UGT1A7: variants seen among roughly 807,000 people sequenced by gnomAD.
UGT1A7 encodes UDP-glucuronosyltransferase 1A7.
UGT1A7 carries 33 observed loss-of-function variants against 45.6 expected under a neutral mutation model. The observed-to-expected ratio is 0.72, with a 90% CI of 0.55 to 0.97. The LOEUF (loss-of-function observed/expected upper bound fraction) is 0.97, where lower values mean the gene tolerates loss of function less well. UGT1A7 is among the 50% of genes least tolerant of loss of function. The pLI is 0.00. For missense variants in UGT1A7, 684 were observed against 666.2 expected (o/e 1.03, Z -0.29); for synonymous variants, 274 against 250.6 (o/e 1.09, Z -0.88).
intron 1 of UGT1A7, chr2:233,743,958 G>C (rs747210262): frequency 1.5e-6 from 2 of 1,336,694 alleles, no homozygotes; most frequent in Non-Finnish European, 2.0e-6. Flanking sequence ...GGCACAGCGA[G>C]CGGCAAGGCT....
At chr2:233,695,416 G>A (rs2075286623) in intron 1 of UGT1A7, among the ~76,000 whole-genome samples, 1 of 143,254 alleles carries the variant, frequency 7.0e-6, no homozygotes, top group Non-Finnish European at 1.6e-5. Context: ...GAGCTACCGC[G>A]CCCGGCCTTC....
chr2:233,703,438 T>C (rs182684854), intron 1 of UGT1A7, among the ~76,000 whole-genome samples: 291 of 152,278 alleles, frequency 1.9e-3, no homozygotes, highest in African/African-American at 6.5e-3. Context: ...TCTCTATTTC[T>C]ATGTCGTTAA....
chr2:233,744,959 A>G (rs1028128963), intron 1 of UGT1A7, among the ~76,000 whole-genome samples: 2 of 151,812 alleles, frequency 1.3e-5, no homozygotes, highest in African/African-American at 4.9e-5. Context: ...TAACCTACCA[A>G]TATCCTTCTT....
At chr2:233,719,526 T>C (rs1307558571) in intron 1 of UGT1A7, 1 of 1,613,852 alleles carries the variant, frequency 6.2e-7, no homozygotes, top group Admixed American at 1.7e-5. Flanking sequence ...AAGTCTTGCC[T>C]CTGAGCTTTT....
chr2:233,705,074 TG>T (rs1342068757), intron 1 of UGT1A7, among the ~76,000 whole-genome samples: 1 of 151,140 alleles, frequency 6.6e-6, no homozygotes, highest in East Asian at 1.9e-4. Flanking sequence ...AGGCGGAGGT[TG>T]CAGAGAGCCA....
At chr2:233,689,813 A>G (rs1208335304) in intron 1 of UGT1A7, 1 of 441,808 alleles carries the variant, frequency 2.3e-6, no homozygotes, top group Non-Finnish European at 4.5e-6. Flanking sequence ...ATAGGAAACC[A>G]AACATCTCTG....
At chr2:233,743,943 G>T in intron 1 of UGT1A7, 1 of 1,352,238 alleles carries the variant, frequency 7.4e-7, no homozygotes. Flanking sequence ...GGCCCACCAG[G>T]CACTGGCACA....
At chr2:233,736,574 T>G (rs2078777492) in intron 1 of UGT1A7, among the ~76,000 whole-genome samples, 2 of 152,254 alleles carry the variant, frequency 1.3e-5, no homozygotes, top group South Asian at 4.1e-4. Flanking sequence ...GCTGTGATCC[T>G]TTGGAGGAGA....
At chr2:233,697,436 T>A (rs981508873) in intron 1 of UGT1A7, among the ~76,000 whole-genome samples, 1 of 152,032 alleles carries the variant, frequency 6.6e-6, no homozygotes, top group African/African-American at 2.4e-5. Flanking sequence ...CCTTTTTCAT[T>A]TCTGATTTTA....
intron 1 of UGT1A7, among the ~76,000 whole-genome samples, chr2:233,750,399 C>A (rs1694444307): frequency 1.3e-5 from 2 of 151,914 alleles, no homozygotes; most frequent in African/African-American, 2.4e-5. Flanking sequence ...AAATTTGCAG[C>A]CTGACCATGT....
intron 1 of UGT1A7, chr2:233,729,198 C>T (rs2077812796): frequency 6.2e-6 from 10 of 1,614,028 alleles, no homozygotes; most frequent in Non-Finnish European, 8.5e-6. Flanking sequence ...GTGTCCAGCC[C>T]TGGGCTGAGA....
At chr2:233,743,547 C>T (rs201114978) in intron 1 of UGT1A7, 3 of 1,367,292 alleles carry the variant, frequency 2.2e-6, no homozygotes, top group Non-Finnish European at 9.8e-7. Context: ...TCTGACCCCC[C>T]CAAAATATTC....
At chr2:233,700,064 G>T (rs1274980816) in intron 1 of UGT1A7, among the ~76,000 whole-genome samples, 2 of 152,314 alleles carry the variant, frequency 1.3e-5, no homozygotes, top group South Asian at 2.1e-4. Context: ...ATCCAGTGGT[G>T]TCTACCCAGC....
intron 1 of UGT1A7, chr2:233,713,873 C>A: frequency 1.2e-6 from 2 of 1,613,734 alleles, no homozygotes; most frequent in African/African-American, 1.3e-5. Flanking sequence ...GTATTGGTGC[C>A]TTTATCCAAT....
In UGT1A7 at chr2:233,682,275, C is replaced by G. The variant is rs1361366825; in HGVS notation, c.338C>G (p.Ser113Cys). The change falls in exon 1 of 5, where the codon TCC becomes TGC. Residue 113 changes from serine to cysteine, a missense_variant. Physicochemically the swap from Ser to Cys is moderately radical, Grantham distance 112. Transcript: ENST00000373426. ...RSAFSLLTSSSNGIFDLFFSN... is the reference protein window; with the variant it reads ...RSAFSLLTSSCNGIFDLFFSN... ...GCATTTTCTCTATTAACAAGTTCAT[C>G]CAATGGTATTTTTGACTTATTTTTT... 1 of 1,614,028 alleles carries G rather than the reference C, an allele frequency of 6.2e-7. No homozygotes were observed. The highest frequency in any genetic ancestry group is 1.3e-5 in the African/African-American group (1 of 74,912).
intron 1 of UGT1A7, among the ~76,000 whole-genome samples, chr2:233,696,800 T>C (rs1221505832): frequency 1.3e-5 from 2 of 152,202 alleles, no homozygotes; most frequent in East Asian, 3.8e-4. Context: ...GTATGTTCCT[T>C]CTGTAGCCAG....
At chr2:233,745,790 T>G (rs1693218354) in intron 1 of UGT1A7, among the ~76,000 whole-genome samples, 2 of 150,238 alleles carry the variant, frequency 1.3e-5, no homozygotes, top group African/African-American at 2.5e-5. Flanking sequence ...ACAGGGGGGC[T>G]GGGGTCTATC....
At chr2:233,745,475 T>C (rs1213140846) in intron 1 of UGT1A7, among the ~76,000 whole-genome samples, 1 of 151,692 alleles carries the variant, frequency 6.6e-6, no homozygotes, top group African/African-American at 2.4e-5. Context: ...GGAAAATGAT[T>C]AACCAAAGAA....
intron 1 of UGT1A7, among the ~76,000 whole-genome samples, chr2:233,739,668 T>C (rs1477304196): frequency 6.6e-6 from 1 of 152,244 alleles, no homozygotes; most frequent in Non-Finnish European, 1.5e-5. Context: ...CATTGTGTCT[T>C]GGAAGTTACT....
Sources: allele counts gnomAD v4.1 joint callset (sites outside exome capture counted in the v4.1 genomes callset), GRCh38; gene constraint gnomAD v4.1.1; transcripts MANE v1.5; gene names NCBI Gene and HGNC (gene_info 2026-07-23, HGNC 2026-07-21).